AGA: variants seen among roughly 807,000 people sequenced by gnomAD.
The protein encoded by AGA is N(4)-(beta-N-acetylglucosaminyl)-L-asparaginase.
A neutral mutation model predicts 40.1 loss-of-function variants in AGA; 31 were observed. The ratio of observed to expected loss-of-function variants is 0.77; its 90% confidence interval spans 0.58 to 1.04. The LOEUF is 1.04. AGA is among the 50% of genes least tolerant of loss of function. AGA has a pLI of 0.00. For missense variants in AGA, 445 were observed against 435.4 expected, an observed-to-expected ratio of 1.02 and a Z score of -0.20; for synonymous variants, 148 against 144.0, an observed-to-expected ratio of 1.03 and a Z score of -0.20.
At chr4:177,438,594 C>T in intron 4 of AGA, 151 bp downstream of exon 4, 1 of 671,126 alleles carries the variant, frequency 1.5e-6, no homozygotes, top group South Asian at 1.7e-5. Context: ...CAGGAACATC[C>T]ATACCTGGAG....
Position 177,431,697 on chromosome 4 carries a change from G to A in AGA, c.*11C>T. 1 of 1,594,708 alleles carries A rather than the reference G, an allele frequency of 6.3e-7. No individual in the cohort carries two copies. Among genetic ancestry groups the A allele is most frequent in the Non-Finnish European group, 8.6e-7 (1 of 1,162,580 alleles). On this transcript the variant is annotated 3_prime_UTR_variant, in exon 9 of 9. Transcript: ENST00000264595. The stretch of plus-strand genomic sequence containing the variant: ...TCTTCTTTAAATACAGATGTTGACA[G>A]TAAAGATGGATTAGATGCAGTCCAC...
At position 177,439,767 on chromosome 4, in the gene AGA, C is replaced by T. The variant is rs1001672360; in HGVS notation, c.282-79G>A. 2.7e-6 allele frequency: 3 copies of T among 1,091,522 alleles called. No individual in the cohort carries two copies. In the African/African-American group the frequency reaches 4.6e-5, roughly 17 times the overall value. The allele number at this position is 1,091,522 out of a possible 1,614,324, so 67.6% of individuals were successfully genotyped here. ...ATTAAAAACATTGCTTTTCTCCAAT[C>T]AATAGTGTTTTGCGGTTAAACTCCA... is the stretch of plus-strand genomic sequence containing the variant. On this transcript the variant is annotated intron_variant, in intron 2 of 8. Coordinates refer to ENST00000264595, the MANE Select transcript of AGA (RefSeq NM_000027.4).
chr4:177,442,015 G>C (rs1737034895), intron 1 of AGA, among the ~76,000 whole-genome samples: 1 of 152,242 alleles, frequency 6.6e-6, no homozygotes, highest in Non-Finnish European at 1.5e-5. Flanking sequence ...GGGGCTGCAT[G>C]AAGGGAGGAC....
At position 177,438,706 on chromosome 4, in the gene AGA, T is replaced by C. The variant is rs369809419; in HGVS notation, c.507+39A>G. 4 of 1,357,180 alleles carry C rather than the reference T, an allele frequency of 2.9e-6. No individual in the cohort carries two copies. The African/African-American group carries it at 5.8e-5, about 20-fold the overall frequency. 84.1% of individuals were successfully genotyped at this position (1,357,180 alleles called of 1,614,324 possible). On this transcript the variant is annotated intron_variant, in intron 4 of 8. Coordinates refer to ENST00000264595, the MANE Select transcript of AGA (RefSeq NM_000027.4). Reference sequence around the variant, plus strand: ...AGCAGAAAGGATGTCACTGAATATTTTCAATTAACTTATTTTTTTAAATTA... The same window carrying C: ...AGCAGAAAGGATGTCACTGAATATTCTCAATTAACTTATTTTTTTAAATTA...
chr4:177,434,345 C>G, intron 7 of AGA, 37 bp downstream of exon 7: 1 of 1,575,054 alleles, frequency 6.3e-7, no homozygotes. Flanking sequence ...ATATCTTCTC[C>G]AAAGGTCTCT....
intron 6 of AGA, 85 bp downstream of exon 6, chr4:177,436,191 T>A: frequency 8.9e-7 from 1 of 1,125,204 alleles, no homozygotes. Context: ...ACTAGGGCTG[T>A]GCTTTGCAAC....
rs1403627646 is a variant in AGA, at chr4:177,435,868, CA to C, written c.698+407del. On this transcript the variant is annotated intron_variant, in intron 6 of 8. Coordinates refer to ENST00000264595, the MANE Select transcript of AGA (RefSeq NM_000027.4). ...GCGTGCACGCACACACACACACACACACACACCCCTTCTTTCCAAGCCAGTG... is the reference window on the plus strand; with the variant it reads ...GCGTGCACGCACACACACACACACACCACACCCCTTCTTTCCAAGCCAGTG... 7.2e-5 allele frequency among the ~76,000 whole-genome samples: 11 copies of C among 151,762 alleles called. No individual in the cohort carries two copies. In the East Asian group the frequency reaches 7.8e-4, roughly 11 times the overall value.
In AGA at chr4:177,439,605, G is replaced by C. The variant is rs771563230; in HGVS notation, c.365C>G (p.Thr122Arg). 1.2e-6 allele frequency: 2 copies of C among 1,613,720 alleles called. No homozygotes were observed. Among genetic ancestry groups the C allele is most frequent in the East Asian group, 4.5e-5 (2 of 44,854 alleles). Residue 122 changes from threonine (T) to arginine (R), a missense_variant, in exon 3 of 9, where the codon ACA (threonine) becomes AGA (arginine). Thr to Arg is a moderately conservative substitution (Grantham distance 71). Coordinates refer to ENST00000264595, the MANE Select transcript of AGA (RefSeq NM_000027.4). ...IGVARKVLEH[T>R]THTLLVGESA... ...CTCTCCTACTAAAAGTGTGTGTGTTGTATGTTCCAGTACTTTCCGTGCCAC... is the reference window on the plus strand; with the variant it reads ...CTCTCCTACTAAAAGTGTGTGTGTTCTATGTTCCAGTACTTTCCGTGCCAC...
rs761602185 is a variant in AGA at position 177,433,276 on chromosome 4, A to C, written c.878T>G (p.Ile293Ser). Residue 293 changes from isoleucine (I) to serine (S), a missense_variant, in exon 8 of 9, where the codon ATC (isoleucine) becomes AGC (serine). Coordinates refer to ENST00000264595, the MANE Select transcript of AGA (RefSeq NM_000027.4). Reference protein sequence around the residue: ...TIACQKVISRIQKHFPEFFGA... With the variant: ...TIACQKVISRSQKHFPEFFGA... ...AAAGAATTCTGGAAAATGCTTCTGG[A>C]TTCTTGAAATCACTTTTTGGCAAGC... The C allele has an allele frequency of 6.2e-7, 1 of 1,614,134 alleles. No homozygotes were observed. Among genetic ancestry groups the C allele is most frequent in the East Asian group, 2.2e-5 (1 of 44,852 alleles).
Position 177,432,812 on chromosome 4 carries a change from C to T in AGA, c.940+402G>A, listed in dbSNP as rs60721014. Among the ~76,000 whole-genome samples the T allele has an allele frequency of 5.9e-3, 897 of 151,974 alleles. 9 individuals are homozygous for T. The highest frequency in any genetic ancestry group is 0.021 in the African/African-American group (861 of 41,466). On this transcript the variant is annotated intron_variant, in intron 8 of 8. Transcript: ENST00000264595. ...TAATACATTTTGTTCTTTGGAGCCC[C>T]GAGAAGATCTAAATGGCTGAGGCAT...
chr4:177,433,328 T>C lies in AGA; in HGVS notation c.826A>G (p.Met276Val). 9 of 1,614,088 alleles carry C rather than the reference T, an allele frequency of 5.6e-6. No individual in the cohort carries two copies. Among genetic ancestry groups the C allele is most frequent in the Non-Finnish European group, 7.6e-6 (9 of 1,179,980 alleles). The change falls in exon 8 of 9, where the codon ATG becomes GTG. Residue 276 changes from methionine (M) to valine (V), a missense_variant. Transcript: ENST00000264595. ...FLPSYQAVEY[M>V]RRGEDPTIAC... is the part of the protein sequence containing the mutation. ...ATGGTTGGATCTTCTCCTCTTCTCA[T>C]GTATTCTACAGCTTGGTAGCTGATT... is the stretch of plus-strand genomic sequence containing the variant.
rs1404115808 is a variant in AGA at position 177,440,401 on chromosome 4, G to A, written c.153C>T (p.Gly51=). ...CGCTCTCCACTGCATCCAGGGCAGA[G>A]CCTCCAGATGCTAATGCCCTCCACG... ...EAAWRALASG[G]SALDAVESGC... is the part of the protein sequence containing the mutation. Residue 51 remains glycine (G), a synonymous_variant, in exon 2 of 9, where the codon GGC becomes GGT. Transcript: ENST00000264595. The A allele has an allele frequency of 8.1e-6, 13 of 1,613,864 alleles. No individual in the cohort carries two copies. The highest frequency in any genetic ancestry group is 1.3e-5 in the African/African-American group (1 of 74,862).
At chr4:177,436,608 C>T (rs758016096) in intron 5 of AGA, among the ~76,000 whole-genome samples, 5 of 152,168 alleles carry the variant, frequency 3.3e-5, no homozygotes, top group Non-Finnish European at 5.9e-5. Flanking sequence ...TCGCCCCTTC[C>T]ACCACGTGAC....
chr4:177,440,352 GCT>G lies in AGA; in HGVS notation c.200_201del (p.Glu67AlafsTer3), dbSNP rs386833420. 7.4e-6 allele frequency: 12 copies of G among 1,613,870 alleles called. No homozygotes were observed. Among genetic ancestry groups the G allele is most frequent in the Non-Finnish European group, 5.9e-6 (7 of 1,180,024 alleles). Reference protein sequence around the residue: ...VESGCAMCEREQCDGSVGFGG... With the variant: ...VESGCAMCERXQCDGSVGFGG... ...CCAAAGCCTACAGAGCCGTCACACT[GCT>G]CTCTCTCACACATGGCACAGCCGCT... On this transcript the variant is annotated frameshift_variant, in exon 2 of 9. Coordinates refer to ENST00000264595, the MANE Select transcript of AGA (RefSeq NM_000027.4). LOFTEE classifies it high-confidence loss of function.
chr4:177,434,394 C>T lies in AGA; in HGVS notation c.794G>A (p.Arg265His), dbSNP rs375663828. ...TAAGAAGTCATACCTTGGCAGGAAG[C>T]GCATCAATATATCACCATTCCCAGT... Reference protein sequence around the residue: ...AATGNGDILMRFLPSYQAVEY... With the variant: ...AATGNGDILMHFLPSYQAVEY... Residue 265 changes from arginine (R) to histidine (H), a missense_variant, in exon 7 of 9, where the codon CGC (arginine) becomes CAC (histidine). By Grantham distance (29) the Arg-to-His change is conservative (BLOSUM62 0). Transcript: ENST00000264595. The T allele has an allele frequency of 1.5e-4, 244 of 1,613,806 alleles. 1 individual carries two copies. Among genetic ancestry groups the T allele is most frequent in the South Asian group, 1.3e-3 (114 of 91,078 alleles).
Position 177,431,614 on chromosome 4 carries a change from G to T in AGA, c.*94C>A. The T allele has an allele frequency of 9.7e-7, 1 of 1,033,936 alleles. No homozygotes were observed. The highest frequency in any genetic ancestry group is 1.5e-6 in the Non-Finnish European group (1 of 670,756). The allele number at this position is 1,033,936 out of a possible 1,614,324, so 64.0% of individuals were successfully genotyped here. A position where few individuals can be genotyped will look rare whatever the true frequency, so the allele number is the denominator to read the frequency against. Reference sequence around the variant, plus strand: ...GTGTTTATTTTACAAAAAGACTTTAGAACACATGAGGAACACTAGATGATG... The same window carrying T: ...GTGTTTATTTTACAAAAAGACTTTATAACACATGAGGAACACTAGATGATG... On this transcript the variant is annotated 3_prime_UTR_variant, in exon 9 of 9. Transcript: ENST00000264595.
chr4:177,434,434 C>G lies in AGA; in HGVS notation c.754G>C (p.Gly252Arg), dbSNP rs386833432. The G allele has an allele frequency of 6.2e-7, 1 of 1,614,218 alleles. No homozygotes were observed. Among genetic ancestry groups the G allele is most frequent in the Non-Finnish European group, 8.5e-7 (1 of 1,180,040 alleles). ...CCATTCCCAGTGGCTGCGGCTGCCCCTGCAGTATCGTCAGCATAGGCTCCA... is the reference window on the plus strand; with the variant it reads ...CCATTCCCAGTGGCTGCGGCTGCCCGTGCAGTATCGTCAGCATAGGCTCCA... ...GAGAYADDTA[G>R]AAAATGNGDI... is the part of the protein sequence containing the mutation. Residue 252 changes from glycine to arginine, a missense_variant, in exon 7 of 9, where the codon GGG (glycine) becomes CGG (arginine). Physicochemically the swap from Gly to Arg is moderately radical, Grantham distance 125 (BLOSUM62 -2). Coordinates refer to ENST00000264595, the MANE Select transcript of AGA (RefSeq NM_000027.4).
intron 5 of AGA, 75 bp from the exon 6 acceptor site, chr4:177,436,426 G>T: frequency 1.8e-6 from 2 of 1,140,618 alleles, no homozygotes; most frequent in Non-Finnish European, 2.6e-6. Context: ...TTGAGCAACT[G>T]GTAATAACTG....
intron 6 of AGA, 82 bp from the exon 7 acceptor site, chr4:177,434,571 G>A (rs1736746419): frequency 9.0e-7 from 1 of 1,114,642 alleles, no homozygotes; most frequent in Non-Finnish European, 1.4e-6. Flanking sequence ...ATAAGGGATA[G>A]TTCCACTTAG....
Sources: gnomAD v4.1 joint callset for allele counts (sites outside exome capture counted in the v4.1 genomes callset) on GRCh38, gnomAD v4.1.1 for gene constraint, MANE v1.5 for transcripts, NCBI Gene and HGNC (gene_info 2026-07-23, HGNC 2026-07-21) for gene names.